Variants in ATP8A2 observed in about 807,000 individuals in gnomAD.
ATP8A2 encodes the protein ATPase phospholipid transporting 8A2, also known as phospholipid-transporting ATPase IB.
A neutral mutation model predicts 165.6 loss-of-function variants in ATP8A2; 100 were observed. The observed-to-expected ratio is 0.60, with a 90% CI of 0.51 to 0.71. ATP8A2 has a LOEUF of 0.71. Among genes scored for constraint, ATP8A2 ranks in the 30% least tolerant of loss-of-function variants. The probability of loss-of-function intolerance (pLI) is 0.00; values close to 1 mark genes in which losing one functional copy is unlikely to be tolerated. For synonymous variants in ATP8A2, 543 were observed against 548.8 expected, an observed-to-expected ratio of 0.99 and a Z score of 0.15; for missense variants, 1,227 against 1,479.5, an observed-to-expected ratio of 0.83 and a Z score of 2.80.
chr13:25,831,838 G>GT (rs1198798449), intron 28 of ATP8A2, among the ~76,000 whole-genome samples: 18 of 151,996 alleles, frequency 1.2e-4, no homozygotes, highest in Admixed American at 1.2e-3. Context: ...GCAAGACTCT[G>GT]TCTCAAAAAC....
intron 25 of ATP8A2, among the ~76,000 whole-genome samples, chr13:25,712,428 C>G (rs1445186751): frequency 6.6e-6 from 1 of 152,154 alleles, no homozygotes; most frequent in African/African-American, 2.4e-5. Context: ...ACACTCAGGA[C>G]TACGAGAAAT....
chr13:25,973,306 G>A (rs1566316525), intron 35 of ATP8A2, among the ~76,000 whole-genome samples: 1 of 152,158 alleles, frequency 6.6e-6, no homozygotes. Flanking sequence ...CCTGTGACCC[G>A]GGGTAATCTG....
At chr13:25,385,590 T>G (rs2033010960) in intron 1 of ATP8A2, among the ~76,000 whole-genome samples, 1 of 152,262 alleles carries the variant, frequency 6.6e-6, no homozygotes. Flanking sequence ...CTCTTCCATT[T>G]TATTTTGTCT....
chr13:25,986,420 A>G (rs539502515), intron 35 of ATP8A2, among the ~76,000 whole-genome samples: 2 of 152,178 alleles, frequency 1.3e-5, no homozygotes, highest in East Asian at 3.9e-4. Flanking sequence ...TGTGAGTTTG[A>G]CTTTTTATGG....
At chr13:25,481,723 T>C (rs74628868) in intron 2 of ATP8A2, among the ~76,000 whole-genome samples, 3,959 of 152,314 alleles carry the variant, frequency 0.026, 177 homozygotes, top group African/African-American at 0.09. Context: ...CAGCATGATC[T>C]GGTTCTGGTG....
At chr13:25,891,503 G>A (rs1593512807) in intron 33 of ATP8A2, among the ~76,000 whole-genome samples, 1 of 151,910 alleles carries the variant, frequency 6.6e-6, no homozygotes, top group African/African-American at 2.4e-5. Context: ...TTGTATTTTT[G>A]GTAGAGACGG....
intron 30 of ATP8A2, among the ~76,000 whole-genome samples, chr13:25,858,570 T>C (rs1952238820): frequency 6.6e-6 from 1 of 152,206 alleles, no homozygotes; most frequent in South Asian, 2.1e-4. Flanking sequence ...CCCATGCTTC[T>C]GCAGTTCCAC....
intron 2 of ATP8A2, among the ~76,000 whole-genome samples, chr13:25,520,589 T>C (rs942848809): frequency 3.3e-5 from 5 of 149,904 alleles, no homozygotes; most frequent in African/African-American, 1.2e-4. Context: ...TTCCTATTTT[T>C]AGTTTTTTTT....
chr13:25,697,555 A>G (rs1443607789), intron 24 of ATP8A2, among the ~76,000 whole-genome samples: 2 of 152,226 alleles, frequency 1.3e-5, no homozygotes, highest in Admixed American at 6.5e-5. Flanking sequence ...TGCTGGGATT[A>G]TAGGCGTGAG....
At chr13:25,414,457 G>T (rs1188645487) in intron 1 of ATP8A2, among the ~76,000 whole-genome samples, 2 of 152,156 alleles carry the variant, frequency 1.3e-5, no homozygotes, top group South Asian at 4.1e-4. Context: ...CTCCCAAAGT[G>T]CCGGGATTAC....
intron 27 of ATP8A2, among the ~76,000 whole-genome samples, chr13:25,815,716 T>C (rs1484432619): frequency 6.6e-6 from 1 of 152,216 alleles, no homozygotes; most frequent in African/African-American, 2.4e-5. Flanking sequence ...AAGCAAGGAC[T>C]GAACCCATGT....
chr13:25,851,606 A>G (rs1952011465), intron 30 of ATP8A2, among the ~76,000 whole-genome samples: 1 of 151,242 alleles, frequency 6.6e-6, no homozygotes, highest in African/African-American at 2.4e-5. Flanking sequence ...AAATTAATGC[A>G]TTGTCAAACT....
chr13:25,535,467 G>A (rs1041400949), intron 6 of ATP8A2, among the ~76,000 whole-genome samples: 11 of 152,134 alleles, frequency 7.2e-5, no homozygotes, highest in African/African-American at 2.2e-4. Flanking sequence ...TGTTCCCAGT[G>A]TACTAATTCT....
chr13:25,647,895 G>T (rs1458593934), intron 24 of ATP8A2, among the ~76,000 whole-genome samples: 1 of 151,828 alleles, frequency 6.6e-6, no homozygotes, highest in Non-Finnish European at 1.5e-5. Flanking sequence ...CACCATGTTG[G>T]CCAGGCTGGT....
At position 25,591,133 on chromosome 13, in the gene ATP8A2, ATGTGTGTGTGTG is replaced by A; in HGVS notation, c.2211+1450_2211+1461del. The A allele has an allele frequency of 2.7e-5, 8 of 297,562 alleles. 2 individuals are homozygous for A. Among genetic ancestry groups the A allele is most frequent in the South Asian group, 2.2e-4 (8 of 36,132 alleles). The allele number at this position is 297,562 out of a possible 1,614,324, so 18.4% of individuals were successfully genotyped here. Reference sequence around the variant, plus strand: ...GGAACCTCTCATCATTGGAAATACTATGTGTGTGTGTGTGTGTGTGTGTGTGTAAATTGTTGT... The same window carrying A: ...GGAACCTCTCATCATTGGAAATACTATGTGTGTGTGTGTGTAAATTGTTGT... On this transcript the variant is annotated intron_variant, in intron 24 of 36. Transcript: ENST00000381655.
At chr13:25,624,587 T>A (rs956215332) in intron 24 of ATP8A2, among the ~76,000 whole-genome samples, 1 of 152,192 alleles carries the variant, frequency 6.6e-6, no homozygotes, top group African/African-American at 2.4e-5. Flanking sequence ...GTGAACAATG[T>A]ATTTCCCAAG....
At position 25,783,602 on chromosome 13, in the gene ATP8A2, G is replaced by A. The variant is rs542748478; in HGVS notation, c.2679+8643G>A. The stretch of plus-strand genomic sequence containing the variant: ...CTGTTAGAAGTGGTGCTTTACAGGC[G>A]TGGTAGGGTAAGGGCCTCAGGATCC... On this transcript the variant is annotated intron_variant, in intron 27 of 36. Transcript: ENST00000381655. Among the ~76,000 whole-genome samples the A allele has an allele frequency of 5.4e-4, 82 of 152,288 alleles. 1 individual carries two copies. In the Middle Eastern group the frequency reaches 0.024, roughly 44 times the overall value.
intron 33 of ATP8A2, among the ~76,000 whole-genome samples, chr13:25,866,887 C>T (rs661347): frequency 0.47 from 70,763 of 152,002 alleles, 16,681 homozygotes; most frequent in Admixed American, 0.54. Flanking sequence ...TAAGTGGTTA[C>T]GTAGGATGCC....
At chr13:25,892,512 C>A (rs1161304099) in intron 33 of ATP8A2, among the ~76,000 whole-genome samples, 1 of 149,542 alleles carries the variant, frequency 6.7e-6, no homozygotes, top group East Asian at 2.0e-4. Flanking sequence ...CTCCTTCCAC[C>A]TGTGTTATGC....
Sources: gnomAD v4.1 joint callset for allele counts (sites outside exome capture counted in the v4.1 genomes callset) on GRCh38, gnomAD v4.1.1 for gene constraint, MANE v1.5 for transcripts, NCBI Gene and HGNC (gene_info 2026-07-23, HGNC 2026-07-21) for gene names.